The following PRORP variants were observed in gnomAD, a reference collection of about 807,000 sequenced individuals.
PRORP encodes mitochondrial ribonuclease P catalytic subunit.
A neutral mutation model predicts 59.4 loss-of-function variants in PRORP; 51 were observed. That is an observed-to-expected ratio of 0.86 (90% confidence interval 0.69 to 1.08). The LOEUF is 1.08. Among genes scored for constraint, PRORP ranks in the 50% least tolerant of loss-of-function variants. The pLI, the probability that PRORP is intolerant of heterozygous loss-of-function variation, is 0.00. For synonymous variants in PRORP, 231 were observed against 245.6 expected, an observed-to-expected ratio of 0.94 and a Z score of 0.55; for missense variants, 646 against 690.3, an observed-to-expected ratio of 0.94 and a Z score of 0.72.
At chr14:35,230,031 G>C (rs985540867) in intron 5 of PRORP, among the ~76,000 whole-genome samples, 4 of 148,318 alleles carry the variant, frequency 2.7e-5, no homozygotes, top group Admixed American at 2.0e-4. Flanking sequence ...GTGCCAGCCA[G>C]ATGTCATTAC....
intron 5 of PRORP, among the ~76,000 whole-genome samples, chr14:35,195,951 G>C (rs552312268): frequency 6.6e-6 from 1 of 152,152 alleles, no homozygotes; most frequent in Non-Finnish European, 1.5e-5. Context: ...AGTCCAAGGA[G>C]AATGTATAAA....
chr14:35,146,328 G>A (rs2047609700), intron 4 of PRORP, among the ~76,000 whole-genome samples: 1 of 152,158 alleles, frequency 6.6e-6, no homozygotes, highest in South Asian at 2.1e-4. Flanking sequence ...CTGCTTGATA[G>A]TATCTCTTCA....
At chr14:35,224,242 A>G (rs1004676379) in intron 5 of PRORP, among the ~76,000 whole-genome samples, 12 of 152,220 alleles carry the variant, frequency 7.9e-5, no homozygotes, top group Non-Finnish European at 1.6e-4. Flanking sequence ...TCATAATACT[A>G]TATATATCTA....
chr14:35,153,038 G>A (rs1210650589), intron 4 of PRORP, among the ~76,000 whole-genome samples: 6 of 152,266 alleles, frequency 3.9e-5, no homozygotes, highest in Non-Finnish European at 4.4e-5. Flanking sequence ...GCCAAGGCAG[G>A]CGGCTGGGAG....
At chr14:35,253,128 G>A (rs2050652886) in intron 5 of PRORP, among the ~76,000 whole-genome samples, 1 of 152,144 alleles carries the variant, frequency 6.6e-6, no homozygotes, top group African/African-American at 2.4e-5. Flanking sequence ...GAGGTCAGGA[G>A]TTCCAGACCA....
intron 4 of PRORP, among the ~76,000 whole-genome samples, chr14:35,155,108 G>A (rs1205041975): frequency 6.6e-6 from 1 of 152,084 alleles, no homozygotes; most frequent in Non-Finnish European, 1.5e-5. Context: ...TGCCCAGGCT[G>A]GTCTCGAACT....
chr14:35,271,438 T>G (rs2051187407), intron 7 of PRORP, among the ~76,000 whole-genome samples: 1 of 152,154 alleles, frequency 6.6e-6, no homozygotes, highest in Non-Finnish European at 1.5e-5. Context: ...ATTACAGGCG[T>G]GAGCCACCAT....
At chr14:35,122,726 C>T (rs1461848679) in intron 1 of PRORP, 91 bp downstream of exon 1, 3 of 156,698 alleles carry the variant, frequency 1.9e-5, no homozygotes, top group Non-Finnish European at 4.3e-5. Context: ...CTCCTCGTCC[C>T]CCCACCGGAG....
intron 5 of PRORP, among the ~76,000 whole-genome samples, chr14:35,250,807 A>AT (rs1312725773): frequency 4.6e-5 from 7 of 151,978 alleles, no homozygotes; most frequent in Non-Finnish European, 8.8e-5. Context: ...TGGTTTTGAG[A>AT]TCCTGTATTT....
At position 35,145,087 on chromosome 14, in the gene PRORP, T is replaced by A. The variant is rs2047572560; in HGVS notation, c.1167+17476T>A. Among the ~76,000 whole-genome samples the A allele has an allele frequency of 2.1e-5, 3 of 145,156 alleles. No individual in the cohort carries two copies. The South Asian group carries it at 6.8e-4, about 33-fold the overall frequency. Reference sequence around the variant, plus strand: ...CCAGGCTCAAGTGATCCTCTCACCTTAGCCTCTTGAGTAGCTAAGACTACA... The same window carrying A: ...CCAGGCTCAAGTGATCCTCTCACCTAAGCCTCTTGAGTAGCTAAGACTACA... On this transcript the variant is annotated intron_variant, in intron 4 of 7. Coordinates refer to ENST00000534898, the MANE Select transcript of PRORP (RefSeq NM_014672.4).
chr14:35,248,872 A>G (rs1566525539), intron 5 of PRORP, among the ~76,000 whole-genome samples: 1 of 152,270 alleles, frequency 6.6e-6, no homozygotes, highest in East Asian at 1.9e-4. Context: ...GCTAACCTAC[A>G]GAGAGTAATA....
chr14:35,263,740 A>G (rs2050966262), intron 5 of PRORP, among the ~76,000 whole-genome samples: 2 of 152,196 alleles, frequency 1.3e-5, no homozygotes, highest in Non-Finnish European at 1.5e-5. Flanking sequence ...GGCAGGGACT[A>G]TGGCTTAAAA....
At chr14:35,214,592 G>A (rs1334790231) in intron 5 of PRORP, among the ~76,000 whole-genome samples, 2 of 152,102 alleles carry the variant, frequency 1.3e-5, no homozygotes, top group African/African-American at 4.8e-5. Flanking sequence ...ATCTTACATG[G>A]GTGTGGTTCC....
chr14:35,225,927 A>T (rs2049922951), intron 5 of PRORP, among the ~76,000 whole-genome samples: 1 of 152,160 alleles, frequency 6.6e-6, no homozygotes, highest in African/African-American at 2.4e-5. Flanking sequence ...AGAGCTTAAG[A>T]AGCATAGCTC....
rs752297983 is a variant in PRORP, at chr14:35,123,964, T to C, written c.719T>C (p.Ile240Thr). ...LLLLEDIKKV[I>T]TPSKKNYNDC... ...CTGTTAGAGGACATCAAAAAAGTTA[T>C]AACTCCTTCAAAAAAGAACTATAAT... Residue 240 changes from isoleucine to threonine, a missense_variant, in exon 2 of 8, where the codon ATA becomes ACA. By Grantham distance (89) the Ile-to-Thr change is moderately conservative (BLOSUM62 -1). Transcript: ENST00000534898. 1.1e-5 allele frequency: 17 copies of C among 1,614,058 alleles called. No homozygotes were observed. The highest frequency in any genetic ancestry group is 4.5e-5 in the East Asian group (2 of 44,884).
chr14:35,174,622 C>G (rs75991092), intron 4 of PRORP, among the ~76,000 whole-genome samples: 2,635 of 152,142 alleles, frequency 0.017, 77 homozygotes, highest in African/African-American at 0.057. Context: ...AAAAGAGGAC[C>G]TATACGTTTT....
chr14:35,264,411 C>T (rs760413668), intron 5 of PRORP, among the ~76,000 whole-genome samples: 20 of 151,870 alleles, frequency 1.3e-4, no homozygotes, highest in Non-Finnish European at 2.6e-4. Context: ...TGAGAGCCAC[C>T]GTGCCTGGCC....
intron 4 of PRORP, among the ~76,000 whole-genome samples, chr14:35,157,207 G>A (rs759406311): frequency 1.3e-5 from 2 of 151,832 alleles, no homozygotes; most frequent in African/African-American, 2.4e-5. Flanking sequence ...CTCCCGCCTC[G>A]GCCTCTCAAA....
At chr14:35,127,071 T>C (rs1305517279) in intron 3 of PRORP, among the ~76,000 whole-genome samples, 1 of 152,212 alleles carries the variant, frequency 6.6e-6, no homozygotes, top group Non-Finnish European at 1.5e-5. Context: ...ACCAATATGA[T>C]ATTCCAGAGG....
Sources: allele counts gnomAD v4.1 joint callset (sites outside exome capture counted in the v4.1 genomes callset), GRCh38; gene constraint gnomAD v4.1.1; transcripts MANE v1.5; gene names NCBI Gene and HGNC (gene_info 2026-07-23, HGNC 2026-07-21).